The following ANO10 variants were observed in gnomAD, a reference collection of about 807,000 sequenced individuals.
ANO10 encodes the protein anoctamin-10.
In ANO10, 77 loss-of-function variants were observed where a neutral mutation model predicts 74.7. The ratio of observed to expected loss-of-function variants is 1.03; its 90% CI spans 0.86 to 1.25. The LOEUF is 1.25. Among genes scored for constraint, ANO10 ranks in the 50% most tolerant of loss-of-function variants. The probability of loss-of-function intolerance (pLI) is 0.00; values close to 1 mark genes in which losing one functional copy is unlikely to be tolerated. For synonymous variants in ANO10, 279 were observed against 284.9 expected, an observed-to-expected ratio of 0.98 and a Z score of 0.21; for missense variants, 721 against 778.1, an observed-to-expected ratio of 0.93 and a Z score of 0.87.
intron 11 of ANO10, among the ~76,000 whole-genome samples, chr3:43,466,198 C>T: frequency 6.6e-6 from 1 of 151,780 alleles, no homozygotes; most frequent in Non-Finnish European, 1.5e-5. Context: ...TGGTGAAACC[C>T]TGTCTCTACT....
chr3:43,416,992 A>G (rs535209584), intron 12 of ANO10, among the ~76,000 whole-genome samples: 71 of 152,360 alleles, frequency 4.7e-4, no homozygotes, highest in Non-Finnish European at 9.6e-4. Context: ...AAAGGAAGGT[A>G]AACTCTAATT....
chr3:43,471,301 CCTTA>C (rs1219518265), intron 11 of ANO10, among the ~76,000 whole-genome samples: 1 of 152,108 alleles, frequency 6.6e-6, no homozygotes, highest in African/African-American at 2.4e-5. Context: ...TTTATTTTTT[CCTTA>C]CTTGCTTGCC....
intron 11 of ANO10, among the ~76,000 whole-genome samples, chr3:43,524,613 T>C (rs1293283623): frequency 6.6e-6 from 1 of 152,168 alleles, no homozygotes; most frequent in African/African-American, 2.4e-5. Flanking sequence ...CTGATGCAGA[T>C]GATTCACTGA....
intron 1 of ANO10, among the ~76,000 whole-genome samples, chr3:43,683,995 A>G (rs2084239506): frequency 6.6e-6 from 1 of 152,242 alleles, no homozygotes; most frequent in Non-Finnish European, 1.5e-5. Context: ...AAACCTAGGC[A>G]ATAGCATTCA....
intron 11 of ANO10, among the ~76,000 whole-genome samples, chr3:43,470,989 T>C (rs1175037496): frequency 6.6e-6 from 1 of 152,170 alleles, no homozygotes; most frequent in Non-Finnish European, 1.5e-5. Context: ...TCTAAAAAAA[T>C]TAAGTTTATA....
At position 43,560,649 on chromosome 3, in the gene ANO10, T is replaced by C. The variant is rs114767956; in HGVS notation, c.1476+571A>G. On this transcript the variant is annotated intron_variant, in intron 9 of 12. Transcript: ENST00000292246. ...GCTCAATAAAAGTTGGCTGAACACA[T>C]AGATTTTATGAGCTAGACCTTTCAA... Among the ~76,000 whole-genome samples, 716 of 152,338 alleles carry C rather than the reference T, an allele frequency of 4.7e-3. 5 individuals are homozygous for C. The highest frequency in any genetic ancestry group is 0.017 in the African/African-American group (687 of 41,574).
At chr3:43,505,051 G>C (rs1160420336) in intron 11 of ANO10, among the ~76,000 whole-genome samples, 1 of 152,162 alleles carries the variant, frequency 6.6e-6, no homozygotes. Context: ...TCTATTAAGT[G>C]CCATGAGAGT....
chr3:43,418,342 C>G (rs935972973), intron 12 of ANO10, among the ~76,000 whole-genome samples: 1 of 152,160 alleles, frequency 6.6e-6, no homozygotes, highest in Non-Finnish European at 1.5e-5. Flanking sequence ...AGGGCTAGAT[C>G]TTTATTGGTT....
intron 5 of ANO10, among the ~76,000 whole-genome samples, chr3:43,578,778 A>G (rs13083994): frequency 6.7e-6 from 1 of 149,168 alleles, no homozygotes; most frequent in South Asian, 2.1e-4. Flanking sequence ...AAAAAAAAAA[A>G]GGAGTAGCTA....
chr3:43,438,642 G>A (rs2148958690), intron 11 of ANO10, among the ~76,000 whole-genome samples: 1 of 152,154 alleles, frequency 6.6e-6, no homozygotes, highest in South Asian at 2.1e-4. Flanking sequence ...AGCTACTTGG[G>A]AAGCTGATGC....
intron 1 of ANO10, among the ~76,000 whole-genome samples, chr3:43,621,377 G>A (rs758250863): frequency 1.3e-5 from 2 of 152,056 alleles, no homozygotes; most frequent in Non-Finnish European, 2.9e-5. Flanking sequence ...CTCGATGTGA[G>A]CATTATCCTG....
intron 12 of ANO10, among the ~76,000 whole-genome samples, chr3:43,369,304 C>T (rs1421877402): frequency 6.6e-6 from 1 of 152,362 alleles, no homozygotes; most frequent in South Asian, 2.1e-4. Flanking sequence ...TTGCTCAGGG[C>T]AGCACCTAAG....
chr3:43,537,611 CCACACACACACACACACACACACACA>C (rs3223349), intron 11 of ANO10, among the ~76,000 whole-genome samples: 1 of 139,958 alleles, frequency 7.1e-6, no homozygotes, highest in African/African-American at 2.7e-5. Flanking sequence ...ACTTTATAAA[CCACACACACACACACACACACACACA>C]CACACACACA....
intron 11 of ANO10, among the ~76,000 whole-genome samples, chr3:43,543,421 G>A (rs890170514): frequency 3.9e-5 from 6 of 152,088 alleles, no homozygotes; most frequent in East Asian, 1.9e-4. Flanking sequence ...ACGGAGTCTC[G>A]CTCTGTCACC....
chr3:43,369,490 A>T (rs2091529217), intron 12 of ANO10, among the ~76,000 whole-genome samples: 1 of 152,232 alleles, frequency 6.6e-6, no homozygotes. Context: ...CTTCTTTTAA[A>T]GCCATGAATG....
intron 11 of ANO10, among the ~76,000 whole-genome samples, chr3:43,449,515 C>CT (rs61265406): frequency 0.8 from 86,050 of 107,826 alleles, 34,209 homozygotes; most frequent in Non-Finnish European, 0.83. Context: ...TATCTAGATT[C>CT]TTTTTTTTTT....
intron 7 of ANO10, 85 bp from the exon 8 acceptor site, chr3:43,565,812 G>A: frequency 1.4e-6 from 2 of 1,436,164 alleles, no homozygotes; most frequent in Non-Finnish European, 1.9e-6. Flanking sequence ...ATTTAAAAAT[G>A]TAATGGGAGC....
At chr3:43,391,366 G>A (rs1300781847) in intron 12 of ANO10, among the ~76,000 whole-genome samples, 1 of 152,208 alleles carries the variant, frequency 6.6e-6, no homozygotes, top group African/African-American at 2.4e-5. Context: ...AAGGATGAAT[G>A]CATGAATTCT....
chr3:43,500,389 A>G (rs2077056692), intron 11 of ANO10, among the ~76,000 whole-genome samples: 1 of 152,188 alleles, frequency 6.6e-6, no homozygotes, highest in Non-Finnish European at 1.5e-5. Flanking sequence ...AAAAGGGGTC[A>G]ATGAAAGGTT....
Sources: gnomAD v4.1 joint callset for allele counts (sites outside exome capture counted in the v4.1 genomes callset) on GRCh38, gnomAD v4.1.1 for gene constraint, MANE v1.5 for transcripts, NCBI Gene and HGNC (gene_info 2026-07-23, HGNC 2026-07-21) for gene names.